Variants in ARHGAP26 observed in about 807,000 individuals in gnomAD.
ARHGAP26 encodes the protein rho GTPase-activating protein 26.
Under a neutral mutation model 104.8 loss-of-function variants are expected in ARHGAP26, and 38 were observed. The observed-to-expected ratio is 0.36, with a 90% confidence interval of 0.28 to 0.48. The LOEUF is 0.48. ARHGAP26 is among the 20% of genes least tolerant of loss of function. ARHGAP26 has a pLI of 0.99. For missense variants in ARHGAP26, 704 were observed against 947.9 expected (o/e 0.74, Z 3.38); for synonymous variants, 341 against 340.0 (o/e 1.00, Z -0.03).
intron 17 of ARHGAP26, among the ~76,000 whole-genome samples, chr5:143,116,773 C>T (rs1795507972): frequency 6.6e-6 from 1 of 152,224 alleles, no homozygotes; most frequent in African/African-American, 2.4e-5. Context: ...CAAGAGGCCC[C>T]TCTGCCAAGG....
rs73796681 is a variant in ARHGAP26 at position 142,966,877 on chromosome 5, C to G, written c.1107+34752C>G. Among the ~76,000 whole-genome samples the G allele has an allele frequency of 5.9e-4, 90 of 152,266 alleles. 1 individual carries two copies. The highest frequency in any genetic ancestry group is 2.0e-3 in the African/African-American group (84 of 41,568). The stretch of plus-strand genomic sequence containing the variant: ...ATAAGTAAACTATGGTATGACAACC[C>G]TCTGAATGCTTATACTGCTATTACA... On this transcript the variant is annotated intron_variant, in intron 11 of 22. Coordinates refer to ENST00000645722, the MANE Select transcript of ARHGAP26 (RefSeq NM_001135608.3).
chr5:142,977,176 A>C (rs1598455394), intron 11 of ARHGAP26, among the ~76,000 whole-genome samples: 1 of 152,246 alleles, frequency 6.6e-6, no homozygotes, highest in Admixed American at 6.5e-5. Flanking sequence ...GCTGGCAGAA[A>C]GAACAGATGT....
At chr5:142,907,863 A>G (rs977801673) in intron 9 of ARHGAP26, 59 bp downstream of exon 9, 61 of 1,227,444 alleles carry the variant, frequency 5.0e-5, no homozygotes, top group Non-Finnish European at 6.7e-5. Context: ...AATGATTATA[A>G]TGCATGTATA....
At chr5:142,934,145 A>G (rs1765104408) in intron 11 of ARHGAP26, among the ~76,000 whole-genome samples, 1 of 152,134 alleles carries the variant, frequency 6.6e-6, no homozygotes. Context: ...TGCCTCACCA[A>G]TTAATTCCAT....
At chr5:142,800,350 C>T (rs1272301064) in intron 1 of ARHGAP26, among the ~76,000 whole-genome samples, 1 of 151,418 alleles carries the variant, frequency 6.6e-6, no homozygotes, top group Non-Finnish European at 1.5e-5. Context: ...CATCAGAAGG[C>T]TGAGGTCTTT....
chr5:143,215,204 C>G (rs1810156648), intron 22 of ARHGAP26, among the ~76,000 whole-genome samples: 1 of 152,214 alleles, frequency 6.6e-6, no homozygotes, highest in African/African-American at 2.4e-5. Flanking sequence ...GGGGCTTCTG[C>G]CTATAGAAGA....
At chr5:143,158,751 CTGGCTGT>C (rs1800821269) in intron 20 of ARHGAP26, among the ~76,000 whole-genome samples, 1 of 152,152 alleles carries the variant, frequency 6.6e-6, no homozygotes, top group African/African-American at 2.4e-5. Flanking sequence ...GGGCTATTCC[CTGGCTGT>C]TGTCAAAAAT....
chr5:143,188,222 G>T (rs989580247), intron 20 of ARHGAP26, among the ~76,000 whole-genome samples: 3 of 152,306 alleles, frequency 2.0e-5, no homozygotes, highest in African/African-American at 4.8e-5. Flanking sequence ...ATACGTGGGG[G>T]CATTCACACT....
At chr5:142,794,600 G>A (rs895415382) in intron 1 of ARHGAP26, among the ~76,000 whole-genome samples, 2 of 152,148 alleles carry the variant, frequency 1.3e-5, no homozygotes, top group African/African-American at 4.8e-5. Context: ...TTAGTATTAG[G>A]CACCACCAGG....
chr5:143,176,471 T>C (rs1032680525), intron 20 of ARHGAP26, among the ~76,000 whole-genome samples: 2 of 152,198 alleles, frequency 1.3e-5, no homozygotes, highest in East Asian at 3.8e-4. Flanking sequence ...CATGTTTGTT[T>C]TCGAGAGTTT....
At chr5:143,145,143 C>A (rs6896777) in intron 19 of ARHGAP26, among the ~76,000 whole-genome samples, 1 of 152,100 alleles carries the variant, frequency 6.6e-6, no homozygotes, top group Non-Finnish European at 1.5e-5. Context: ...AAAATAATCT[C>A]CTGGTAACAT....
chr5:143,147,284 C>T lies in ARHGAP26; in HGVS notation c.1891C>T (p.Pro631Ser), dbSNP rs1799285094. The change falls in exon 20 of 23, where the codon CCA becomes TCA. Residue 631 changes from proline (P) to serine (S), a missense_variant. By Grantham distance (74) the Pro-to-Ser change is moderately conservative (BLOSUM62 -1). This residue lies in a region of ARHGAP26 where 217 missense variants were observed against 242.6 expected (regional missense o/e 0.89). Transcript: ENST00000645722. ...CAGTTTGGAATCTGTCTCATCAAATCCAAACAGCATCCTTAATTCCAGCAG... is the reference window on the plus strand; with the variant it reads ...CAGTTTGGAATCTGTCTCATCAAATTCAAACAGCATCCTTAATTCCAGCAG... ...NSSLESVSSN[P>S]NSILNSSSSL... 2 of 1,613,960 alleles carry T rather than the reference C, an allele frequency of 1.2e-6. No homozygotes were observed. The highest frequency in any genetic ancestry group is 1.7e-6 in the Non-Finnish European group (2 of 1,179,974).
intron 12 of ARHGAP26, among the ~76,000 whole-genome samples, chr5:143,025,752 G>T (rs550642353): frequency 6.6e-6 from 1 of 152,346 alleles, no homozygotes; most frequent in African/African-American, 2.4e-5. Flanking sequence ...ATAGTCCTCA[G>T]CCTGTGCTGT....
At position 143,039,804 on chromosome 5, in the gene ARHGAP26, AAAAT is replaced by A. The variant is rs2150137573; in HGVS notation, c.1211-2006_1211-2003del. Among the ~76,000 whole-genome samples the A allele has an allele frequency of 1.3e-5, 2 of 152,342 alleles. 1 individual carries two copies. Among genetic ancestry groups the A allele is most frequent in the African/African-American group, 4.8e-5 (2 of 41,578 alleles). On this transcript the variant is annotated intron_variant, in intron 13 of 22. Transcript: ENST00000645722. ...ACAACTTTTTCTGATGTAAAACTAC[AAAAT>A]AAATACAATAAGTAGGAGAAGAAGA... is the stretch of plus-strand genomic sequence containing the variant.
chr5:143,224,753 C>T lies in ARHGAP26; in HGVS notation c.*2307C>T, dbSNP rs899810534. 1 of 228,278 alleles carries T rather than the reference C, an allele frequency of 4.4e-6. No homozygotes were observed. The highest frequency in any genetic ancestry group is 8.7e-6 in the Non-Finnish European group (1 of 115,008). The allele number at this position is 228,278 out of a possible 1,614,324, so 14.1% of individuals were successfully genotyped here. A position where few individuals can be genotyped will look rare whatever the true frequency, so the allele number is the denominator to read the frequency against. On this transcript the variant is annotated 3_prime_UTR_variant, in exon 23 of 23. Transcript: ENST00000645722. ...TTCCCTTCTCCTAAACATTTTAAAA[C>T]TCTTCCCTTTCACCTCCAATTCCCG...
At chr5:143,012,562 T>C (rs1294386949) in intron 11 of ARHGAP26, among the ~76,000 whole-genome samples, 4 of 78,582 alleles carry the variant, frequency 5.1e-5, no homozygotes, top group Non-Finnish European at 9.7e-5. Context: ...CATATATATA[T>C]ATATATATAT....
chr5:142,999,235 C>T (rs928130360), intron 11 of ARHGAP26, among the ~76,000 whole-genome samples: 1 of 151,996 alleles, frequency 6.6e-6, no homozygotes, highest in Non-Finnish European at 1.5e-5. Context: ...GCTCCCTGCC[C>T]ATTCAAATCA....
At chr5:143,190,036 A>AAAAAC (rs1805715916) in intron 20 of ARHGAP26, among the ~76,000 whole-genome samples, 1 of 95,032 alleles carries the variant, frequency 1.1e-5, no homozygotes, top group African/African-American at 4.9e-5. Context: ...GAGGGGGGGG[A>AAAAAC]AAAAAAAAAA....
chr5:142,925,269 C>T (rs1763746666), intron 10 of ARHGAP26, among the ~76,000 whole-genome samples: 2 of 152,146 alleles, frequency 1.3e-5, no homozygotes, highest in South Asian at 2.1e-4. Context: ...TGCACTTGCA[C>T]TGTTGTTTTT....
Sources: allele counts gnomAD v4.1 joint callset (sites outside exome capture counted in the v4.1 genomes callset), GRCh38; gene constraint gnomAD v4.1.1; regional missense constraint gnomAD v4.1.1; transcripts MANE v1.5; gene names NCBI Gene and HGNC (gene_info 2026-07-23, HGNC 2026-07-21).